Variants in CAMK2D observed in about 807,000 individuals in gnomAD.
CAMK2D encodes calcium/calmodulin-dependent protein kinase type II subunit delta.
Under a neutral mutation model 84.0 loss-of-function variants are expected in CAMK2D, and 37 were observed. The observed-to-expected ratio is 0.44, with a 90% confidence interval of 0.34 to 0.58. The LOEUF (loss-of-function observed/expected upper bound fraction) is 0.58. Among genes scored for constraint, CAMK2D ranks in the 20% least tolerant of loss-of-function variants. The pLI, the probability that CAMK2D is intolerant of heterozygous loss-of-function variation, is 0.02. For synonymous variants in CAMK2D, 202 were observed against 212.5 expected, an observed-to-expected ratio of 0.95 and a Z score of 0.43; for missense variants, 448 against 652.5, an observed-to-expected ratio of 0.69 and a Z score of 3.41.
chr4:113,728,655 G>A (rs1464946722), intron 2 of CAMK2D, among the ~76,000 whole-genome samples: 1 of 152,130 alleles, frequency 6.6e-6, no homozygotes, highest in Non-Finnish European at 1.5e-5. Context: ...TAAGGTTTGA[G>A]CTGTGGTATC....
At chr4:113,659,696 T>C (rs1416342714) in intron 3 of CAMK2D, among the ~76,000 whole-genome samples, 1 of 152,210 alleles carries the variant, frequency 6.6e-6, no homozygotes, top group Non-Finnish European at 1.5e-5. Context: ...TTTCTGTTGC[T>C]TAAGCCACCC....
chr4:113,709,484 C>A (rs1270821158), intron 2 of CAMK2D, among the ~76,000 whole-genome samples: 2 of 151,460 alleles, frequency 1.3e-5, no homozygotes, highest in African/African-American at 2.4e-5. Context: ...TTGTTTTTAA[C>A]ATATGGGTAT....
At chr4:113,599,904 G>A (rs959336855) in intron 4 of CAMK2D, among the ~76,000 whole-genome samples, 1 of 152,108 alleles carries the variant, frequency 6.6e-6, no homozygotes, top group African/African-American at 2.4e-5. Flanking sequence ...GGAGGAGGAG[G>A]AAGAGGAGAA....
intron 6 of CAMK2D, among the ~76,000 whole-genome samples, chr4:113,546,971 G>A (rs1394738607): frequency 1.3e-5 from 2 of 152,214 alleles, no homozygotes; most frequent in South Asian, 2.1e-4. Context: ...ATTCAAATGA[G>A]AATATGTATA....
chr4:113,731,873 C>T (rs537657345), intron 2 of CAMK2D, among the ~76,000 whole-genome samples: 4 of 152,066 alleles, frequency 2.6e-5, no homozygotes, highest in Admixed American at 6.5e-5. Context: ...TGTGAGCCAC[C>T]GCACCCAGCC....
intron 3 of CAMK2D, among the ~76,000 whole-genome samples, chr4:113,636,726 C>T (rs1309022377): frequency 6.6e-6 from 1 of 152,120 alleles, no homozygotes; most frequent in East Asian, 1.9e-4. Flanking sequence ...TATAAAAACA[C>T]TCACGCTATC....
At chr4:113,708,776 G>A (rs1258390573) in intron 2 of CAMK2D, among the ~76,000 whole-genome samples, 1 of 152,160 alleles carries the variant, frequency 6.6e-6, no homozygotes, top group East Asian at 1.9e-4. Context: ...CCAAGCTGGA[G>A]TGCAGTGGCG....
At position 113,517,629 on chromosome 4, in the gene CAMK2D, C is replaced by T; in HGVS notation, c.630G>A (p.Gly210=). 1.3e-6 allele frequency: 2 copies of T among 1,577,262 alleles called. No individual in the cohort carries two copies. The highest frequency in any genetic ancestry group is 8.7e-7 in the Non-Finnish European group (1 of 1,147,198). ...GGTCTTCATCCCAGAAGGGTGGATA[C>T]CCCACAAGTAGAATATAGAGAATGA... ...CGVILYILLV[G]YPPFWDEDQH... The change falls in exon 9 of 21, where the codon GGG becomes GGA. Residue 210 remains glycine (G), a synonymous_variant. Transcript: ENST00000511664.
rs1564403069 is a variant in CAMK2D at position 113,462,298 on chromosome 4, GTCTGTCTGTCTGTCTGTCTGTCTGTC to G, written c.1212-2083_1212-2058del. ...TGTGTGTGTGTGTGTGTGTGTGTCT[GTCTGTCTGTCTGTCTGTCTGTCTGTC>G]TGTCTGTCTGTCTGTCTATCTATCT... On this transcript the variant is annotated intron_variant, in intron 17 of 20. Transcript: ENST00000511664. Among the ~76,000 whole-genome samples the G allele has an allele frequency of 1.9e-3, 217 of 113,834 alleles. 3 individuals carry two copies. Among genetic ancestry groups the G allele is most frequent in the Non-Finnish European group, 3.5e-3 (175 of 50,162 alleles). 74.7% of individuals were successfully genotyped at this position (113,834 alleles called of 152,430 possible).
intron 4 of CAMK2D, among the ~76,000 whole-genome samples, chr4:113,592,413 T>C (rs928843990): frequency 2.6e-4 from 40 of 152,352 alleles, no homozygotes; most frequent in African/African-American, 8.9e-4. Context: ...TAATACTGAA[T>C]ACAGCAATTC....
At chr4:113,480,562 C>T (rs371137758) in intron 16 of CAMK2D, among the ~76,000 whole-genome samples, 2 of 150,786 alleles carry the variant, frequency 1.3e-5, no homozygotes, top group South Asian at 4.2e-4. Flanking sequence ...GCTTGAGGGC[C>T]GGGTGCAGTG....
intron 2 of CAMK2D, among the ~76,000 whole-genome samples, chr4:113,758,573 G>C (rs1378553000): frequency 6.6e-6 from 1 of 152,074 alleles, no homozygotes; most frequent in African/African-American, 2.4e-5. Context: ...TCAGACACGT[G>C]CCCACAATAA....
At chr4:113,634,806 A>G (rs1163306880) in intron 3 of CAMK2D, among the ~76,000 whole-genome samples, 1 of 152,232 alleles carries the variant, frequency 6.6e-6, no homozygotes, top group African/African-American at 2.4e-5. Context: ...ATTACTATCT[A>G]TCTGTGAATG....
intron 2 of CAMK2D, among the ~76,000 whole-genome samples, chr4:113,734,244 A>C (rs959617860): frequency 9.2e-5 from 14 of 152,184 alleles, no homozygotes; most frequent in African/African-American, 3.4e-4. Flanking sequence ...ACAAGAGATT[A>C]GTTCAGTTGT....
intron 15 of CAMK2D, among the ~76,000 whole-genome samples, chr4:113,501,963 A>G (rs1188639265): frequency 6.6e-6 from 1 of 152,164 alleles, no homozygotes; most frequent in Non-Finnish European, 1.5e-5. Flanking sequence ...TTTTACTTTA[A>G]TGGTTTTAAT....
At chr4:113,670,763 CA>C (rs753971197) in intron 2 of CAMK2D, among the ~76,000 whole-genome samples, 2,016 of 129,236 alleles carry the variant, frequency 0.016, 23 homozygotes, top group African/African-American at 0.038. Flanking sequence ...ACTAAAAATA[CA>C]AAAAAAAAAA....
At chr4:113,675,871 C>T (rs889803687) in intron 2 of CAMK2D, among the ~76,000 whole-genome samples, 2 of 152,160 alleles carry the variant, frequency 1.3e-5, no homozygotes, top group African/African-American at 4.8e-5. Flanking sequence ...TTGGGTAAGC[C>T]AAGATCTGTA....
chr4:113,547,786 G>A, intron 5 of CAMK2D, 70 bp from the exon 6 acceptor site: 1 of 997,614 alleles, frequency 1.0e-6, no homozygotes, highest in Non-Finnish European at 1.5e-6. Flanking sequence ...CCCTCAGAGA[G>A]ACTGGGTTAA....
intron 4 of CAMK2D, among the ~76,000 whole-genome samples, chr4:113,589,652 A>T (rs1263855837): frequency 2.0e-5 from 3 of 152,128 alleles, no homozygotes; most frequent in Non-Finnish European, 1.5e-5. Flanking sequence ...AGAGATGAGG[A>T]GAACTGTTTT....
Sources: allele counts gnomAD v4.1 joint callset (sites outside exome capture counted in the v4.1 genomes callset), GRCh38; gene constraint gnomAD v4.1.1; transcripts MANE v1.5; gene names NCBI Gene and HGNC (gene_info 2026-07-23, HGNC 2026-07-21).